SYNPR: variants seen among roughly 807,000 people sequenced by gnomAD.
The protein encoded by SYNPR is synaptoporin.
Under a neutral mutation model 32.9 loss-of-function variants are expected in SYNPR, and 23 were observed. The ratio of observed to expected loss-of-function variants is 0.70; its 90% CI spans 0.50 to 0.99. The LOEUF is 0.99. SYNPR is among the 50% of genes least tolerant of loss of function. The pLI, the probability that SYNPR is intolerant of heterozygous loss-of-function variation, is 0.00. For missense variants in SYNPR, 318 were observed against 349.3 expected, an observed-to-expected ratio of 0.91 and a Z score of 0.71; for synonymous variants, 146 against 135.9, an observed-to-expected ratio of 1.07 and a Z score of -0.52.
At chr3:63,569,185 A>G (rs1702844295) in intron 4 of SYNPR, among the ~76,000 whole-genome samples, 1 of 152,152 alleles carries the variant, frequency 6.6e-6, no homozygotes, top group South Asian at 2.1e-4. Flanking sequence ...TTATTGTTGG[A>G]CTTCGAATTT....
At chr3:63,370,933 G>A (rs995753542) in intron 2 of SYNPR, among the ~76,000 whole-genome samples, 2 of 152,146 alleles carry the variant, frequency 1.3e-5, no homozygotes, top group African/African-American at 2.4e-5. Flanking sequence ...ATATGGGGGA[G>A]AGCCAAGATG....
At chr3:63,406,477 T>C (rs1255731949) in intron 2 of SYNPR, among the ~76,000 whole-genome samples, 2 of 152,040 alleles carry the variant, frequency 1.3e-5, no homozygotes, top group Non-Finnish European at 2.9e-5. Context: ...ATTCCATTTT[T>C]TTTTTTTTAA....
chr3:63,548,774 C>A (rs910013191), intron 3 of SYNPR, among the ~76,000 whole-genome samples: 3 of 152,140 alleles, frequency 2.0e-5, no homozygotes, highest in Non-Finnish European at 4.4e-5. Context: ...ATGACAGCAG[C>A]CTGCTCCCCC....
chr3:63,408,281 A>G (rs1394840943), intron 2 of SYNPR, among the ~76,000 whole-genome samples: 2 of 35,402 alleles, frequency 5.6e-5, no homozygotes, highest in Admixed American at 3.1e-4. Context: ...AAGAAAGAGG[A>G]AGGAAGGAAG....
chr3:63,409,605 T>A (rs2088435103), intron 2 of SYNPR, among the ~76,000 whole-genome samples: 1 of 152,196 alleles, frequency 6.6e-6, no homozygotes, highest in African/African-American at 2.4e-5. Context: ...ATCATAATGC[T>A]CCTTATAAAT....
intron 2 of SYNPR, among the ~76,000 whole-genome samples, chr3:63,381,506 C>T (rs112450070): frequency 3.0e-3 from 459 of 152,302 alleles, no homozygotes; most frequent in African/African-American, 9.8e-3. Flanking sequence ...TCAATGCCAT[C>T]CCCATCAAGC....
chr3:63,415,779 T>C (rs987862354), intron 2 of SYNPR, among the ~76,000 whole-genome samples: 37 of 152,226 alleles, frequency 2.4e-4, no homozygotes, highest in African/African-American at 2.9e-4. Flanking sequence ...GTAATAAATA[T>C]TTAGATCTAG....
chr3:63,429,497 G>A (rs1234773672), intron 2 of SYNPR, among the ~76,000 whole-genome samples: 1 of 152,128 alleles, frequency 6.6e-6, no homozygotes, highest in African/African-American at 2.4e-5. Flanking sequence ...AATCCCTAGG[G>A]AACAATTCTT....
chr3:63,416,474 G>A (rs971273313), intron 2 of SYNPR, among the ~76,000 whole-genome samples: 4 of 146,614 alleles, frequency 2.7e-5, no homozygotes. Context: ...GGAGGTTTCA[G>A]TGAGCTGAGA....
intron 3 of SYNPR, among the ~76,000 whole-genome samples, chr3:63,554,380 T>A (rs1055566939): frequency 6.6e-6 from 1 of 152,206 alleles, no homozygotes; most frequent in East Asian, 1.9e-4. Flanking sequence ...TTGAGTTAAT[T>A]TTTTTATATG....
chr3:63,597,281 C>A (rs765819625), intron 4 of SYNPR, among the ~76,000 whole-genome samples: 13 of 152,038 alleles, frequency 8.6e-5, no homozygotes, highest in Non-Finnish European at 1.5e-4. Context: ...GAATAAGACC[C>A]TGGACCACTA....
intron 2 of SYNPR, among the ~76,000 whole-genome samples, chr3:63,369,052 T>C (rs994448627): frequency 1.3e-5 from 2 of 152,218 alleles, no homozygotes; most frequent in Non-Finnish European, 2.9e-5. Context: ...AGAATGTCAC[T>C]GTATTTAATG....
intron 3 of SYNPR, among the ~76,000 whole-genome samples, chr3:63,493,747 C>T (rs1272535452): frequency 7.2e-6 from 1 of 138,232 alleles, no homozygotes; most frequent in African/African-American, 2.7e-5. Flanking sequence ...ACCCAGAAGG[C>T]GGAGGTTGCA....
intron 3 of SYNPR, chr3:63,545,584 T>G (rs1702385876): frequency 6.6e-6 from 1 of 152,104 alleles, no homozygotes; most frequent in African/African-American, 2.4e-5. Context: ...TTCATAGTCC[T>G]GTACATATAT....
chr3:63,230,940 T>C (rs1362247429), intron 1 of SYNPR, among the ~76,000 whole-genome samples: 2 of 152,162 alleles, frequency 1.3e-5, no homozygotes, highest in African/African-American at 4.8e-5. Context: ...AGACTCCTTT[T>C]TAAAAGGCAT....
intron 2 of SYNPR, among the ~76,000 whole-genome samples, chr3:63,462,878 C>T (rs983242821): frequency 1.3e-5 from 2 of 152,118 alleles, no homozygotes; most frequent in Admixed American, 6.6e-5. Context: ...GCATTGTTTT[C>T]AGTTTCCTGT....
chr3:63,364,468 T>G (rs1328700669), intron 2 of SYNPR, among the ~76,000 whole-genome samples: 2 of 152,202 alleles, frequency 1.3e-5, no homozygotes, highest in Non-Finnish European at 2.9e-5. Flanking sequence ...TTGCTATTTC[T>G]TTTTTTAAAA....
intron 2 of SYNPR, chr3:63,443,474 GTTTACAGCTATCTTGA>G: frequency 1.2e-6 from 2 of 1,606,334 alleles, no homozygotes; most frequent in Non-Finnish European, 1.7e-6. Flanking sequence ...GCTCCGGTAA[GTTTACAGCTATCTTGA>G]TTTACAGCTG....
chr3:63,484,650 ATATAT>A (rs1701111160), intron 3 of SYNPR, among the ~76,000 whole-genome samples: 1 of 150,014 alleles, frequency 6.7e-6, no homozygotes, highest in Non-Finnish European at 1.5e-5. Flanking sequence ...ATACCTTGAC[ATATAT>A]TAGATTATGT....
Sources: gnomAD v4.1 joint callset for allele counts (sites outside exome capture counted in the v4.1 genomes callset) on GRCh38, gnomAD v4.1.1 for gene constraint, MANE v1.5 for transcripts, NCBI Gene and HGNC (gene_info 2026-07-23, HGNC 2026-07-21) for gene names.